USP25: variants seen among roughly 807,000 people sequenced by gnomAD.
USP25 encodes ubiquitin carboxyl-terminal hydrolase 25.
In USP25, 85 loss-of-function variants were observed where a neutral mutation model predicts 158.5. The observed-to-expected ratio is 0.54, with a 90% CI of 0.45 to 0.64. USP25 has a LOEUF of 0.64. Ranked by LOEUF, USP25 falls within the 30% of genes least tolerant of loss-of-function variation. The probability of loss-of-function intolerance (pLI) is 0.00; values close to 1 mark genes in which losing one functional copy is unlikely to be tolerated. For synonymous variants in USP25, 464 were observed against 460.4 expected, an observed-to-expected ratio of 1.01 and a Z score of -0.10; for missense variants, 1,242 against 1,327.3, an observed-to-expected ratio of 0.94 and a Z score of 1.00.
intron 1 of USP25, among the ~76,000 whole-genome samples, chr21:15,760,644 T>C (rs1048652292): frequency 6.6e-6 from 1 of 152,260 alleles, no homozygotes; most frequent in African/African-American, 2.4e-5. Flanking sequence ...TGTTTTGAAA[T>C]GCACATTTTA....
At chr21:15,821,133 A>G (rs2037213667) in intron 10 of USP25, among the ~76,000 whole-genome samples, 1 of 151,972 alleles carries the variant, frequency 6.6e-6, no homozygotes, top group East Asian at 1.9e-4. Flanking sequence ...AGTATTCACT[A>G]CTACCAGTGT....
At chr21:15,777,185 A>G (rs755816101) in intron 3 of USP25, among the ~76,000 whole-genome samples, 4 of 152,184 alleles carry the variant, frequency 2.6e-5, no homozygotes, top group Non-Finnish European at 4.4e-5. Context: ...GCTATTTTTT[A>G]TTAGAAGAGG....
In USP25 at chr21:15,730,361, A is replaced by ACCGCCGCCG. The variant is rs566061228; in HGVS notation, c.-16_-8dup. 38 of 1,181,104 alleles carry ACCGCCGCCG rather than the reference A, an allele frequency of 3.2e-5. No homozygotes were observed. The highest frequency in any genetic ancestry group is 2.0e-4 in the South Asian group (5 of 25,110). The allele number at this position is 1,181,104 out of a possible 1,614,324, so 73.2% of individuals were successfully genotyped here. ...GCGGAGGCGCGAGGAGCCGGGCGCC[A>ACCGCCGCCG]CCGCCGCCGCCGCCGCCGCCGCCGC... On this transcript the variant is annotated 5_prime_UTR_variant, in exon 1 of 26. Coordinates refer to ENST00000400183, the MANE Select transcript of USP25 (RefSeq NM_001283041.3).
At chr21:15,813,111 A>G (rs2404000) in intron 9 of USP25, among the ~76,000 whole-genome samples, 12,360 of 151,644 alleles carry the variant, frequency 0.082, 540 homozygotes, top group East Asian at 0.099. Context: ...GATTGCTGGC[A>G]AAAAGTCACA....
chr21:15,778,054 A>G (rs1009788002), intron 4 of USP25, 27 bp downstream of exon 4: 2 of 1,543,196 alleles, frequency 1.3e-6, no homozygotes. Flanking sequence ...TATAAAGCAG[A>G]TATAAGTACT....
rs1450029156 is a variant in USP25, at chr21:15,827,821, CCTTT to C, written c.1693+622_1693+625del. Among the ~76,000 whole-genome samples the C allele has an allele frequency of 1.4e-4, 20 of 146,846 alleles. 1 individual carries two copies. Among genetic ancestry groups the C allele is most frequent in the African/African-American group, 5.0e-4 (20 of 39,668 alleles). Reference sequence around the variant, plus strand: ...GTGTGTGTGTCAAGTTGCCATCTGTCCTTTCTTGGAAGGAACTCTCTTTTATTCT... The same window carrying C: ...GTGTGTGTGTCAAGTTGCCATCTGTCCTTGGAAGGAACTCTCTTTTATTCT... On this transcript the variant is annotated intron_variant, in intron 14 of 25. Coordinates refer to ENST00000400183, the MANE Select transcript of USP25 (RefSeq NM_001283041.3).
intron 1 of USP25, among the ~76,000 whole-genome samples, chr21:15,731,279 A>G (rs1022680475): frequency 6.6e-6 from 1 of 152,140 alleles, no homozygotes; most frequent in Non-Finnish European, 1.5e-5. Flanking sequence ...GTAGTTGGCC[A>G]TGATTTAACT....
At chr21:15,749,882 G>A (rs1282593464) in intron 1 of USP25, among the ~76,000 whole-genome samples, 4 of 152,202 alleles carry the variant, frequency 2.6e-5, no homozygotes, top group South Asian at 2.1e-4. Context: ...ATTTGGCTGA[G>A]TGTGATATAA....
intron 14 of USP25, among the ~76,000 whole-genome samples, chr21:15,828,669 C>G (rs959359261): frequency 6.6e-6 from 1 of 152,178 alleles, no homozygotes; most frequent in Non-Finnish European, 1.5e-5. Flanking sequence ...GACGGAGTCT[C>G]GCTCTGTCAC....
chr21:15,819,600 A>G (rs896582932), intron 10 of USP25, among the ~76,000 whole-genome samples: 1 of 152,188 alleles, frequency 6.6e-6, no homozygotes, highest in Admixed American at 6.5e-5. Flanking sequence ...CCTAGTGGTA[A>G]TATGGTAACT....
At chr21:15,839,075 AG>A (rs2038201225) in intron 17 of USP25, among the ~76,000 whole-genome samples, 5 of 152,136 alleles carry the variant, frequency 3.3e-5, no homozygotes, top group Admixed American at 3.3e-4. Flanking sequence ...GATTGGAGAG[AG>A]ACTTTAGGAA....
intron 1 of USP25, among the ~76,000 whole-genome samples, chr21:15,739,830 A>G (rs2031871787): frequency 6.6e-6 from 1 of 152,198 alleles, no homozygotes; most frequent in African/African-American, 2.4e-5. Flanking sequence ...ATGATGTGAA[A>G]GTTGAATTTA....
chr21:15,757,659 A>G (rs1332510758), intron 1 of USP25, among the ~76,000 whole-genome samples: 2 of 152,184 alleles, frequency 1.3e-5, no homozygotes, highest in African/African-American at 2.4e-5. Flanking sequence ...CAAGTGGGCT[A>G]CCAAGTCATG....
At chr21:15,810,910 T>G (rs552729500) in intron 8 of USP25, among the ~76,000 whole-genome samples, 1 of 152,276 alleles carries the variant, frequency 6.6e-6, no homozygotes, top group South Asian at 2.1e-4. Flanking sequence ...TTAACTCCTA[T>G]GAGAGTCCTG....
At chr21:15,745,829 G>C (rs1391343133) in intron 1 of USP25, among the ~76,000 whole-genome samples, 1 of 152,020 alleles carries the variant, frequency 6.6e-6, no homozygotes, top group African/African-American at 2.4e-5. Flanking sequence ...CCTGTGTTTT[G>C]TTCTAGAAGT....
At chr21:15,794,853 A>T (rs986337053) in intron 5 of USP25, among the ~76,000 whole-genome samples, 5 of 151,562 alleles carry the variant, frequency 3.3e-5, no homozygotes, top group Non-Finnish European at 7.4e-5. Context: ...ATAGCCCATC[A>T]AGTAATTATT....
intron 16 of USP25, 82 bp from the exon 17 acceptor site, chr21:15,833,266 A>G (rs1231639165): frequency 1.5e-6 from 2 of 1,291,028 alleles, no homozygotes; most frequent in East Asian, 4.7e-5. Flanking sequence ...TTTAAATTCT[A>G]TTTGAAATGC....
chr21:15,823,712 A>G (rs1222184653), intron 10 of USP25, among the ~76,000 whole-genome samples: 1 of 152,160 alleles, frequency 6.6e-6, no homozygotes, highest in African/African-American at 2.4e-5. Flanking sequence ...GAAGACAGAG[A>G]AGACTTGAGC....
At chr21:15,818,026 T>G (rs1403403014) in intron 9 of USP25, among the ~76,000 whole-genome samples, 15 of 152,220 alleles carry the variant, frequency 9.9e-5, no homozygotes, top group Non-Finnish European at 2.9e-5. Flanking sequence ...ACTAACCTCC[T>G]GTTAGTTCCT....
Sources: gnomAD v4.1 joint callset for allele counts (sites outside exome capture counted in the v4.1 genomes callset) on GRCh38, gnomAD v4.1.1 for gene constraint, MANE v1.5 for transcripts, NCBI Gene and HGNC (gene_info 2026-07-23, HGNC 2026-07-21) for gene names.